NPAS3: variants seen among roughly 807,000 people sequenced by gnomAD.
NPAS3 encodes neuronal PAS domain-containing protein 3.
Under a neutral mutation model 73.1 loss-of-function variants are expected in NPAS3, and 14 were observed. The ratio of observed to expected loss-of-function variants is 0.19; its 90% confidence interval spans 0.13 to 0.30. The LOEUF (loss-of-function observed/expected upper bound fraction) is 0.30, where lower values mean the gene tolerates loss of function less well. Ranked by LOEUF, NPAS3 falls within the 10% of genes least tolerant of loss-of-function variation. The probability of loss-of-function intolerance (pLI) is 1.00; values close to 1 mark genes in which losing one functional copy is unlikely to be tolerated. For synonymous variants in NPAS3, 620 were observed against 541.5 expected (o/e 1.14, Z -2.01); for missense variants, 1,096 against 1,250.0 (o/e 0.88, Z 1.86).
At chr14:33,004,645 A>T (rs1467556868) in intron 1 of NPAS3, among the ~76,000 whole-genome samples, 2 of 152,090 alleles carry the variant, frequency 1.3e-5, no homozygotes, top group Non-Finnish European at 2.9e-5. Context: ...TTTTTCTTCA[A>T]TAATAACCTT....
At chr14:33,714,541 A>C (rs1001984732) in intron 6 of NPAS3, among the ~76,000 whole-genome samples, 1 of 152,174 alleles carries the variant, frequency 6.6e-6, no homozygotes, top group East Asian at 1.9e-4. Context: ...GGGAGGAGAT[A>C]AATGCCTGGG....
intron 3 of NPAS3, among the ~76,000 whole-genome samples, chr14:33,313,630 T>C (rs563461448): frequency 1.2e-3 from 186 of 152,166 alleles, no homozygotes; most frequent in Non-Finnish European, 2.1e-3. Flanking sequence ...GTGACAGCAA[T>C]AGGTATTTGC....
At chr14:33,318,043 C>T (rs12586822) in intron 3 of NPAS3, among the ~76,000 whole-genome samples, 7,038 of 151,898 alleles carry the variant, frequency 0.046, 302 homozygotes, top group East Asian at 0.14. Context: ...TTTGCAAAAC[C>T]GTCCTTATAA....
intron 4 of NPAS3, among the ~76,000 whole-genome samples, chr14:33,415,668 T>C (rs2048116448): frequency 6.6e-6 from 1 of 152,092 alleles, no homozygotes; most frequent in African/African-American, 2.4e-5. Flanking sequence ...GGTTTCTCCA[T>C]AGCACAGCTC....
In NPAS3 at chr14:33,130,796, C is replaced by A. The variant is rs576860088; in HGVS notation, c.140+74802C>A. ...TAACAAGCTAAATGCAGAAATAGAA[C>A]CTCAGTATTAATAAACATCATTCTT... On this transcript the variant is annotated intron_variant, in intron 2 of 11. Transcript: ENST00000356141. Among the ~76,000 whole-genome samples, 7 of 152,184 alleles carry A rather than the reference C, an allele frequency of 4.6e-5. No homozygotes were observed. The South Asian group carries it at 8.3e-4, about 18-fold the overall frequency.
At chr14:33,217,079 G>A (rs577791880) in intron 3 of NPAS3, among the ~76,000 whole-genome samples, 15 of 152,248 alleles carry the variant, frequency 9.9e-5, no homozygotes, top group South Asian at 4.1e-4. Flanking sequence ...GGTAGAAGGC[G>A]AGGGGGAGGC....
chr14:33,674,076 A>T (rs1398716109), intron 5 of NPAS3, among the ~76,000 whole-genome samples: 1 of 151,976 alleles, frequency 6.6e-6, no homozygotes, highest in Non-Finnish European at 1.5e-5. Context: ...GCACATCAAG[A>T]CTCAGTCTTG....
intron 4 of NPAS3, among the ~76,000 whole-genome samples, chr14:33,503,392 C>G (rs920875197): frequency 6.6e-6 from 1 of 151,704 alleles, no homozygotes; most frequent in Non-Finnish European, 1.5e-5. Flanking sequence ...GTTTTAGGGA[C>G]GAAGATAATG....
intron 1 of NPAS3, among the ~76,000 whole-genome samples, chr14:32,986,935 C>A (rs1028261955): frequency 3.9e-5 from 6 of 152,268 alleles, no homozygotes; most frequent in Middle Eastern, 3.4e-3. Context: ...TTCTGTGGCG[C>A]TGCCCCGCGG....
chr14:33,789,583 CTTTTT>C lies in NPAS3; in HGVS notation c.1154-4295_1154-4291del, dbSNP rs10567527. Among the ~76,000 whole-genome samples the C allele has an allele frequency of 3.1e-3, 282 of 92,414 alleles. 1 individual carries two copies. The highest frequency in any genetic ancestry group is 0.012 in the African/African-American group (266 of 23,086). The allele number at this position is 92,414 out of a possible 152,430, so 60.6% of individuals were successfully genotyped here. On this transcript the variant is annotated intron_variant, in intron 9 of 11. Transcript: ENST00000356141. ...ACTAAAAGTAATTACTAGAGTACAA[CTTTTT>C]TTTTTTTTTTTTTTTTTTGAGACGG...
intron 3 of NPAS3, among the ~76,000 whole-genome samples, chr14:33,319,958 A>C (rs2043367389): frequency 6.6e-6 from 1 of 152,186 alleles, no homozygotes; most frequent in Non-Finnish European, 1.5e-5. Flanking sequence ...ATCAAAGCCA[A>C]ACTATGACCA....
At chr14:33,451,968 C>T (rs1488491768) in intron 4 of NPAS3, among the ~76,000 whole-genome samples, 1 of 152,158 alleles carries the variant, frequency 6.6e-6, no homozygotes, top group Admixed American at 6.5e-5. Context: ...CTGAAGTCTG[C>T]TAACAGCCTC....
intron 6 of NPAS3, among the ~76,000 whole-genome samples, chr14:33,688,522 G>A (rs752767320): frequency 1.4e-4 from 22 of 152,024 alleles, no homozygotes; most frequent in Admixed American, 2.0e-4. Flanking sequence ...CCCACCCAAT[G>A]CAAGCAGAGT....
chr14:33,382,721 A>G (rs190835647), intron 4 of NPAS3, among the ~76,000 whole-genome samples: 3 of 152,272 alleles, frequency 2.0e-5, no homozygotes, highest in Non-Finnish European at 2.9e-5. Flanking sequence ...AGGACCTAAA[A>G]TTCCAATAAT....
chr14:33,368,188 T>G (rs2045926155), intron 4 of NPAS3, among the ~76,000 whole-genome samples: 1 of 152,102 alleles, frequency 6.6e-6, no homozygotes. Context: ...TCCCTGTTCA[T>G]TCAGAGTTTA....
At chr14:32,941,182 G>C (rs936142568) in intron 1 of NPAS3, among the ~76,000 whole-genome samples, 5 of 141,592 alleles carry the variant, frequency 3.5e-5, no homozygotes, top group African/African-American at 1.3e-4. Flanking sequence ...GTTTATAATT[G>C]GTTTTCTTCC....
chr14:33,121,312 A>C (rs748017362), intron 2 of NPAS3, among the ~76,000 whole-genome samples: 2 of 152,126 alleles, frequency 1.3e-5, no homozygotes, highest in Non-Finnish European at 2.9e-5. Flanking sequence ...TTGAGATAAA[A>C]CATCCATTTG....
chr14:33,755,819 T>A (rs2062097431), intron 7 of NPAS3, among the ~76,000 whole-genome samples: 1 of 152,058 alleles, frequency 6.6e-6, no homozygotes, highest in Admixed American at 6.6e-5. Context: ...TGGTGAGACA[T>A]CAGGCTGCTT....
chr14:33,447,614 A>G lies in NPAS3; in HGVS notation c.468+80346A>G, dbSNP rs139746106. Among the ~76,000 whole-genome samples the G allele has an allele frequency of 6.8e-4, 103 of 152,296 alleles. 1 individual carries two copies. Among genetic ancestry groups the G allele is most frequent in the Non-Finnish European group, 1.4e-3 (93 of 68,020 alleles). Reference sequence around the variant, plus strand: ...GAGGGCCTAAAACTAAGGTAGCAGCAGGGGTGAGAACAGAATTGGCTGGGC... The same window carrying G: ...GAGGGCCTAAAACTAAGGTAGCAGCGGGGGTGAGAACAGAATTGGCTGGGC... On this transcript the variant is annotated intron_variant, in intron 4 of 11. Coordinates refer to ENST00000356141, the Ensembl canonical transcript of NPAS3.
Sources: allele counts gnomAD v4.1 joint callset (sites outside exome capture counted in the v4.1 genomes callset), GRCh38; gene constraint gnomAD v4.1.1; transcripts MANE v1.5; gene names NCBI Gene and HGNC (gene_info 2026-07-23, HGNC 2026-07-21).